The following CSMD1 variants were observed in gnomAD, a reference collection of about 807,000 sequenced individuals.
The protein encoded by CSMD1 is CUB and sushi domain-containing protein 1.
A neutral mutation model predicts 417.5 loss-of-function variants in CSMD1; 213 were observed. That is an observed-to-expected ratio of 0.51 (90% confidence interval 0.46 to 0.57). The LOEUF is 0.57. Among genes scored for constraint, CSMD1 ranks in the 20% least tolerant of loss-of-function variants. The pLI, the probability that CSMD1 is intolerant of heterozygous loss-of-function variation, is 0.00. For missense variants in CSMD1, 6,923 were observed against 4,529.7 expected (o/e 1.53, Z -15.17); for synonymous variants, 2,862 against 1,736.8 (o/e 1.65, Z -16.11).
chr8:3,154,015 G>A (rs1013080345), intron 39 of CSMD1, among the ~76,000 whole-genome samples: 5 of 152,116 alleles, frequency 3.3e-5, no homozygotes, highest in Non-Finnish European at 5.9e-5. Context: ...CACCCAGGCT[G>A]GACTGCAGTG....
intron 1 of CSMD1, among the ~76,000 whole-genome samples, chr8:4,742,144 C>T (rs1030124258): frequency 8.7e-5 from 13 of 150,282 alleles, no homozygotes; most frequent in African/African-American, 2.4e-4. Flanking sequence ...CATTCTCCTG[C>T]CTCAGCCTCC....
chr8:3,056,938 A>G (rs966653815), intron 49 of CSMD1, among the ~76,000 whole-genome samples: 3 of 152,130 alleles, frequency 2.0e-5, no homozygotes, highest in Admixed American at 6.6e-5. Context: ...TGTACTATAC[A>G]ATATTAGTGC....
At chr8:3,584,819 A>G (rs1037753745) in intron 9 of CSMD1, among the ~76,000 whole-genome samples, 6 of 152,210 alleles carry the variant, frequency 3.9e-5, no homozygotes, top group Admixed American at 1.3e-4. Context: ...AAAATAATCC[A>G]TGTGACTCGT....
intron 2 of CSMD1, among the ~76,000 whole-genome samples, chr8:4,464,148 CT>C (rs112949067): frequency 0.16 from 24,881 of 152,078 alleles, 2,238 homozygotes; most frequent in African/African-American, 0.23. Context: ...ATCCCTCCAG[CT>C]GGAATTCTAC....
At chr8:3,606,814 G>C (rs1354082743) in intron 8 of CSMD1, among the ~76,000 whole-genome samples, 1 of 151,432 alleles carries the variant, frequency 6.6e-6, no homozygotes, top group East Asian at 1.9e-4. Context: ...GGGTTCAAGT[G>C]ATTCTCCTGT....
At chr8:3,172,290 A>T (rs1228071928) in intron 37 of CSMD1, among the ~76,000 whole-genome samples, 1 of 151,588 alleles carries the variant, frequency 6.6e-6, no homozygotes, top group Non-Finnish European at 1.5e-5. Flanking sequence ...GTTCTTTTCC[A>T]CCTGGGGTCT....
At chr8:4,775,389 G>C (rs1053019076) in intron 1 of CSMD1, among the ~76,000 whole-genome samples, 1 of 152,126 alleles carries the variant, frequency 6.6e-6, no homozygotes, top group Non-Finnish European at 1.5e-5. Flanking sequence ...ATAGTGTTTA[G>C]AGTTTATAAA....
At chr8:3,394,017 TATATATATA>T (rs1811522544) in intron 17 of CSMD1, among the ~76,000 whole-genome samples, 4 of 77,208 alleles carry the variant, frequency 5.2e-5, no homozygotes, top group East Asian at 7.4e-4. Flanking sequence ...ATAAATTATA[TATATATATA>T]TATATATATA....
chr8:4,570,425 G>A (rs1798829118), intron 2 of CSMD1, among the ~76,000 whole-genome samples: 4 of 152,166 alleles, frequency 2.6e-5, no homozygotes, highest in Admixed American at 6.5e-5. Flanking sequence ...CTGTTTATGT[G>A]ATGGATTACG....
intron 26 of CSMD1, among the ~76,000 whole-genome samples, chr8:3,271,552 A>C (rs528368376): frequency 6.0e-4 from 91 of 151,050 alleles, no homozygotes; most frequent in South Asian, 3.6e-3. Flanking sequence ...GCAACAGTGT[A>C]AAAGTGTTCC....
At chr8:3,152,508 C>T (rs748819997) in intron 39 of CSMD1, among the ~76,000 whole-genome samples, 3 of 152,050 alleles carry the variant, frequency 2.0e-5, no homozygotes, top group Admixed American at 6.5e-5. Context: ...TGTGGTGAAG[C>T]CTTTTTCTTT....
At position 3,096,870 on chromosome 8, in the gene CSMD1, C is replaced by G. The variant is rs1446067436; in HGVS notation, c.7117G>C (p.Asp2373His). 1 of 1,555,252 alleles carries G rather than the reference C, an allele frequency of 6.4e-7. No homozygotes were observed. Among genetic ancestry groups the G allele is most frequent in the East Asian group, 2.4e-5 (1 of 41,728 alleles). ...VDTFQSEKQF[D>H]ALEVFDGSSG... ...TTACCATCAAACACTTCCAGTGCAT[C>G]AAACTGCTTTTCACTTTGAAATGTG... The change falls in exon 47 of 70, where the codon GAT becomes CAT. Residue 2373 changes from aspartate (D) to histidine (H), a missense_variant. By Grantham distance (81) the Asp-to-His change is moderately conservative. Transcript: ENST00000635120.
chr8:4,572,792 A>T (rs1283519159), intron 2 of CSMD1, among the ~76,000 whole-genome samples: 2 of 152,012 alleles, frequency 1.3e-5, no homozygotes, highest in Non-Finnish European at 1.5e-5. Context: ...ACAGTCCCAT[A>T]TTTCTTGGAA....
Position 3,900,593 on chromosome 8 carries a change from G to C in CSMD1, c.818+97310C>G, listed in dbSNP as rs572329349. On this transcript the variant is annotated intron_variant, in intron 5 of 69. Transcript: ENST00000635120. ...ACTGTAGCTGGATGACACTCTAGCTGGGTGACAGTGTAGCTGGGTGACACT... is the reference window on the plus strand; with the variant it reads ...ACTGTAGCTGGATGACACTCTAGCTCGGTGACAGTGTAGCTGGGTGACACT... 7.2e-5 allele frequency among the ~76,000 whole-genome samples: 11 copies of C among 152,184 alleles called. No individual in the cohort carries two copies. In the East Asian group the frequency reaches 1.7e-3, roughly 24 times the overall value.
intron 5 of CSMD1, among the ~76,000 whole-genome samples, chr8:3,941,751 A>G (rs1810898553): frequency 6.6e-6 from 1 of 152,160 alleles, no homozygotes; most frequent in Admixed American, 6.5e-5. Context: ...CTTGCCTAAA[A>G]CAGCATGGAC....
At chr8:4,391,971 A>C (rs1481029400) in intron 3 of CSMD1, among the ~76,000 whole-genome samples, 1 of 152,204 alleles carries the variant, frequency 6.6e-6, no homozygotes, top group Non-Finnish European at 1.5e-5. Flanking sequence ...AAGCACATTA[A>C]AAGAGAGACC....
intron 3 of CSMD1, among the ~76,000 whole-genome samples, chr8:4,350,600 A>G (rs989100932): frequency 2.0e-5 from 3 of 152,200 alleles, no homozygotes; most frequent in African/African-American, 7.2e-5. Flanking sequence ...AATGAGAAAA[A>G]GCAGAACAAA....
chr8:4,157,612 T>A (rs1042741201), intron 3 of CSMD1, among the ~76,000 whole-genome samples: 6 of 152,184 alleles, frequency 3.9e-5, no homozygotes, highest in Non-Finnish European at 8.8e-5. Context: ...TGCAAATCTT[T>A]CACGCAGAGT....
intron 1 of CSMD1, among the ~76,000 whole-genome samples, chr8:4,940,957 G>A (rs1379690603): frequency 6.6e-6 from 1 of 152,156 alleles, no homozygotes; most frequent in African/African-American, 2.4e-5. Context: ...CTTAGATCTA[G>A]ATGGATTTTT....
Sources: allele counts gnomAD v4.1 joint callset (sites outside exome capture counted in the v4.1 genomes callset), GRCh38; gene constraint gnomAD v4.1.1; transcripts MANE v1.5; gene names NCBI Gene and HGNC (gene_info 2026-07-23, HGNC 2026-07-21).